Variants in SORBS2 observed in about 807,000 individuals in gnomAD.
The protein encoded by SORBS2 is sorbin and SH3 domain containing 2.
In SORBS2, 46 loss-of-function variants were observed where a neutral mutation model predicts 97.7. The observed-to-expected ratio is 0.47, with a 90% CI of 0.37 to 0.60. The LOEUF (loss-of-function observed/expected upper bound fraction) is 0.60, where lower values mean the gene tolerates loss of function less well. Among genes scored for constraint, SORBS2 ranks in the 20% least tolerant of loss-of-function variants. The probability of loss-of-function intolerance (pLI) is 0.00; values close to 1 mark genes in which losing one functional copy is unlikely to be tolerated. For missense variants in SORBS2, 1,316 were observed against 1,282.3 expected (o/e 1.03, Z -0.40); for synonymous variants, 476 against 473.4 (o/e 1.01, Z -0.07).
At chr4:185,663,333 G>C (rs6831546) in intron 4 of SORBS2, among the ~76,000 whole-genome samples, 1 of 152,130 alleles carries the variant, frequency 6.6e-6, no homozygotes, top group African/African-American at 2.4e-5. Flanking sequence ...GTATTTCTAT[G>C]ATTTCACTTT....
exon 15 of SORBS2, chr4:185,586,953 GCAAA>G (rs2095807536): frequency 6.6e-6 from 1 of 152,596 alleles, no homozygotes; most frequent in African/African-American, 2.4e-5. Context: ...TCTAAAAAAT[GCAAA>G]CAAATTGCAG....
At chr4:185,587,979 G>A in intron 14 of SORBS2, 1 of 308,874 alleles carries the variant, frequency 3.2e-6, no homozygotes. Flanking sequence ...TGCTGAGGAG[G>A]GGGGCGGAGG....
intron 1 of SORBS2, chr4:185,918,432 G>A (rs1474180170): frequency 6.6e-6 from 1 of 152,172 alleles, no homozygotes; most frequent in Non-Finnish European, 1.5e-5. Flanking sequence ...TGTCCCTCCA[G>A]GTCACTCTCC....
At chr4:185,904,741 A>G (rs1254210845) in intron 1 of SORBS2, among the ~76,000 whole-genome samples, 1 of 152,228 alleles carries the variant, frequency 6.6e-6, no homozygotes, top group Non-Finnish European at 1.5e-5. Flanking sequence ...GCAGTTTCCC[A>G]GGGAGTTATG....
chr4:185,813,390 G>T (rs1489001725), intron 1 of SORBS2, among the ~76,000 whole-genome samples: 2 of 152,170 alleles, frequency 1.3e-5, no homozygotes, highest in African/African-American at 4.8e-5. Flanking sequence ...TTCACATTAG[G>T]TAGGTCTGAG....
At chr4:185,624,546 G>T in intron 6 of SORBS2, 52 bp from the exon 19 acceptor site, 2 of 1,527,472 alleles carry the variant, frequency 1.3e-6, no homozygotes, top group East Asian at 2.3e-5. Flanking sequence ...GAAGTTAAAA[G>T]GTTCACAAAG....
intron 1 of SORBS2, among the ~76,000 whole-genome samples, chr4:185,818,265 C>T (rs2099194520): frequency 6.6e-6 from 1 of 152,190 alleles, no homozygotes; most frequent in Non-Finnish European, 1.5e-5. Context: ...TCTTGGCTCA[C>T]TGCAATCTCC....
chr4:185,751,190 A>AAAAAAAAAAAAAGAGAG, intron 2 of SORBS2, among the ~76,000 whole-genome samples: 1 of 86,426 alleles, frequency 1.2e-5, no homozygotes, highest in South Asian at 4.7e-4. Flanking sequence ...AAAAAAAAAA[A>AAAAAAAAAAAAAGAGAG]AGAGAAAGAG....
intron 2 of SORBS2, among the ~76,000 whole-genome samples, chr4:185,698,044 C>A (rs1029383839): frequency 6.6e-6 from 1 of 152,076 alleles, no homozygotes; most frequent in South Asian, 2.1e-4. Context: ...TTGAGATCAA[C>A]CAACTCATTT....
intron 2 of SORBS2, chr4:185,651,801 G>C: frequency 6.6e-7 from 1 of 1,505,334 alleles, no homozygotes; most frequent in Non-Finnish European, 9.2e-7. Context: ...GTATGTATAA[G>C]GAGTATTATA....
intron 1 of SORBS2, chr4:185,656,572 T>C (rs1353594247): frequency 7.2e-7 from 1 of 1,396,866 alleles, no homozygotes; most frequent in Non-Finnish European, 9.9e-7. Context: ...TGCTGCAAAG[T>C]ATATGCAGCT....
At chr4:185,868,249 C>T (rs1032410341) in intron 1 of SORBS2, among the ~76,000 whole-genome samples, 1 of 148,466 alleles carries the variant, frequency 6.7e-6, no homozygotes. Context: ...TTCCGCCTCC[C>T]GGGTTCAAGC....
rs755223346 is a variant in SORBS2, at chr4:185,623,943, C to T, written c.1186G>A (p.Ala396Thr). Residue 396 changes from alanine to threonine, a missense_variant, in exon 7 of 15, where the codon GCC (alanine) becomes ACC (threonine). Coordinates refer to ENST00000418609, the Ensembl canonical transcript of SORBS2. This position sits in a 1 kb window ranked among gnomAD's most constrained non-coding sequence, Gnocchi z 6.4. ...TCCTCCGTGGAGCACTGGCTCCAGG[C>T]GCGCAGCAGGTCCTTGTGCTGCTGC... 2.5e-6 allele frequency: 4 copies of T among 1,614,224 alleles called. No individual in the cohort carries two copies. Among genetic ancestry groups the T allele is most frequent in the Non-Finnish European group, 3.4e-6 (4 of 1,180,030 alleles).
At chr4:185,664,565 G>A (rs1429994381) in intron 4 of SORBS2, among the ~76,000 whole-genome samples, 1 of 152,202 alleles carries the variant, frequency 6.6e-6, no homozygotes, top group African/African-American at 2.4e-5. Flanking sequence ...CTCTGTGGCA[G>A]GGAGGGACTC....
intron 2 of SORBS2, among the ~76,000 whole-genome samples, chr4:185,696,798 A>G (rs1266777695): frequency 6.6e-6 from 1 of 152,160 alleles, no homozygotes; most frequent in African/African-American, 2.4e-5. Flanking sequence ...ATCATTACGG[A>G]ACAACATCTA....
chr4:185,941,695 C>G (rs1237224071), intron 1 of SORBS2, among the ~76,000 whole-genome samples: 2 of 152,200 alleles, frequency 1.3e-5, no homozygotes, highest in African/African-American at 2.4e-5. Context: ...TGATTGCACC[C>G]ATTTCTCCAG....
At chr4:185,744,096 T>C in intron 2 of SORBS2, among the ~76,000 whole-genome samples, 1 of 141,778 alleles carries the variant, frequency 7.1e-6, no homozygotes, top group African/African-American at 2.6e-5. Context: ...CACTTCCCCC[T>C]TTCTCTTCTC....
At chr4:185,677,543 T>C (rs989927555) in intron 4 of SORBS2, 1 of 1,549,438 alleles carries the variant, frequency 6.5e-7, no homozygotes, top group Non-Finnish European at 8.7e-7. Flanking sequence ...AGGGAATTTG[T>C]GTGTTAGTTA....
chr4:185,713,794 C>T (rs923536586), intron 2 of SORBS2, among the ~76,000 whole-genome samples: 30 of 152,170 alleles, frequency 2.0e-4, no homozygotes, highest in African/African-American at 7.0e-4. Context: ...TTTAGTTTCC[C>T]ACTGTCATGA....
Sources: gnomAD v4.1 joint callset for allele counts (sites outside exome capture counted in the v4.1 genomes callset) on GRCh38, gnomAD v4.1.1 for gene constraint, Gnocchi (gnomAD v3.1) non-coding constraint, MANE v1.5 for transcripts, NCBI Gene and HGNC (gene_info 2026-07-23, HGNC 2026-07-21) for gene names.